LIMS1: variants seen among roughly 807,000 people sequenced by gnomAD.
LIMS1 encodes the protein LIM and senescent cell antigen-like-containing domain protein 1.
A neutral mutation model predicts 44.1 loss-of-function variants in LIMS1; 18 were observed. The ratio of observed to expected loss-of-function variants is 0.41; its 90% CI spans 0.28 to 0.61. The LOEUF (loss-of-function observed/expected upper bound fraction) is 0.61. Ranked by LOEUF, LIMS1 falls within the 20% of genes least tolerant of loss-of-function variation. LIMS1 has a pLI of 0.32. For synonymous variants in LIMS1, 93 were observed against 149.1 expected, an observed-to-expected ratio of 0.62 and a Z score of 2.74; for missense variants, 201 against 422.0, an observed-to-expected ratio of 0.48 and a Z score of 4.59.
intron 1 of LIMS1, among the ~76,000 whole-genome samples, chr2:108,562,765 G>A (rs1309564903): frequency 6.6e-6 from 1 of 152,206 alleles, no homozygotes; most frequent in African/African-American, 2.4e-5. Flanking sequence ...AATGAAGGTG[G>A]CTACACCAAA....
rs10596766 is a variant in LIMS1, at chr2:108,569,764, CT to C, written c.32+35189del. Among the ~76,000 whole-genome samples, 166 of 113,118 alleles carry C rather than the reference CT, an allele frequency of 1.5e-3. 2 individuals are homozygous for C. The highest frequency in any genetic ancestry group is 5.1e-3 in the Middle Eastern group (1 of 196). 74.2% of individuals were successfully genotyped at this position (113,118 alleles called of 152,430 possible). A position where few individuals can be genotyped will look rare whatever the true frequency, so the allele number is the denominator to read the frequency against. Reference sequence around the variant, plus strand: ...TACAAACACTCACCGCCATATCTGGCTTTTTTTTTTTTTTTTTTTAGTGATG... The same window carrying C: ...TACAAACACTCACCGCCATATCTGGCTTTTTTTTTTTTTTTTTTAGTGATG... On this transcript the variant is annotated intron_variant, in intron 1 of 9. Coordinates refer to ENST00000544547, the Ensembl canonical transcript of LIMS1.
rs2104680510 is a variant in LIMS1 at position 108,589,962 on chromosome 2, AT to A, written c.32+55369del. ...AATGTTCCATGTGCACTTGAGAAGA[AT>A]ATGTATTCTGTTGCTGTTGGGTGGA... On this transcript the variant is annotated intron_variant, in intron 1 of 9. Transcript: ENST00000544547. 3.3e-5 allele frequency among the ~76,000 whole-genome samples: 5 copies of A among 152,332 alleles called. 1 individual carries two copies. The highest frequency in any genetic ancestry group is 3.3e-4 in the Admixed American group (5 of 15,306).
In LIMS1 at chr2:108,590,211, A is replaced by AG. The variant is rs1163980619; in HGVS notation, c.32+55619dup. On this transcript the variant is annotated intron_variant, in intron 1 of 9. Transcript: ENST00000544547. The stretch of plus-strand genomic sequence containing the variant: ...AAGAGTGATACCGATTGCATGTGTA[A>AG]GGCAGTCTCTTATATAGATGTATGT... Among the ~76,000 whole-genome samples the AG allele has an allele frequency of 3.9e-5, 6 of 152,364 alleles. No individual in the cohort carries two copies. The East Asian group carries it at 1.2e-3, about 29-fold the overall frequency.
At chr2:108,675,443 CT>C (rs55875937) in intron 5 of LIMS1, among the ~76,000 whole-genome samples, 54,796 of 151,900 alleles carry the variant, frequency 0.36, 11,755 homozygotes, top group East Asian at 0.88. Context: ...GTAATCACCC[CT>C]TAGAGGTCCT....
chr2:108,571,143 A>C (rs1163294279), intron 1 of LIMS1, among the ~76,000 whole-genome samples: 1 of 152,204 alleles, frequency 6.6e-6, no homozygotes, highest in Non-Finnish European at 1.5e-5. Flanking sequence ...AGAAGCTTAG[A>C]GTGCAGTAGA....
At chr2:108,680,555 A>G in intron 8 of LIMS1, 140 bp from the exon 9 acceptor site, 1 of 1,349,996 alleles carries the variant, frequency 7.4e-7, no homozygotes, top group South Asian at 1.6e-5. Flanking sequence ...AAAAAAAAAA[A>G]AAAAAAAAAG....
intron 1 of LIMS1, among the ~76,000 whole-genome samples, chr2:108,598,267 T>TA (rs1477938268): frequency 6.6e-6 from 1 of 152,044 alleles, no homozygotes; most frequent in East Asian, 1.9e-4. Flanking sequence ...CATAGTAAAC[T>TA]AAAAAAATGT....
chr2:108,551,563 C>T (rs1043817824), intron 1 of LIMS1, among the ~76,000 whole-genome samples: 2 of 141,718 alleles, frequency 1.4e-5, no homozygotes, highest in African/African-American at 5.2e-5. Flanking sequence ...AAATCCTGGA[C>T]GTTCAGATTG....
chr2:108,560,701 G>A (rs1380265504), intron 1 of LIMS1, among the ~76,000 whole-genome samples: 1 of 152,002 alleles, frequency 6.6e-6, no homozygotes, highest in Non-Finnish European at 1.5e-5. Flanking sequence ...TTCGATGGAT[G>A]GATGGATGGA....
chr2:108,580,419 GA>G (rs1685841243), intron 1 of LIMS1, among the ~76,000 whole-genome samples: 1 of 152,146 alleles, frequency 6.6e-6, no homozygotes, highest in Non-Finnish European at 1.5e-5. Flanking sequence ...AGGTGGTCAG[GA>G]CAACTAGATC....
At chr2:108,612,592 TAGA>T (rs1687715473) in intron 1 of LIMS1, among the ~76,000 whole-genome samples, 1 of 152,064 alleles carries the variant, frequency 6.6e-6, no homozygotes, top group South Asian at 2.1e-4. Flanking sequence ...TTCAGTTACA[TAGA>T]AGGTCACTTC....
At chr2:108,543,668 C>G (rs574948090) in intron 1 of LIMS1, among the ~76,000 whole-genome samples, 1 of 152,292 alleles carries the variant, frequency 6.6e-6, no homozygotes, top group East Asian at 1.9e-4. Flanking sequence ...CTCCAGCACT[C>G]AGACCTTAGT....
intron 1 of LIMS1, among the ~76,000 whole-genome samples, chr2:108,648,279 A>T (rs1050828489): frequency 2.4e-4 from 36 of 152,222 alleles, no homozygotes; most frequent in Non-Finnish European, 7.3e-5. Flanking sequence ...GACCTCTTCA[A>T]GGAGAACTAC....
intron 2 of LIMS1, 136 bp downstream of exon 2, chr2:108,659,900 G>C (rs1289174073): frequency 1.2e-5 from 14 of 1,145,436 alleles, no homozygotes; most frequent in Middle Eastern, 2.9e-4. Flanking sequence ...CCAGGTATTT[G>C]ATAGCTGTGA....
At chr2:108,547,530 G>T (rs1684521394) in intron 1 of LIMS1, among the ~76,000 whole-genome samples, 1 of 152,186 alleles carries the variant, frequency 6.6e-6, no homozygotes. Flanking sequence ...ACTGTTGGCA[G>T]TTTGACTTAT....
Position 108,672,873 on chromosome 2 carries a change from T to G in LIMS1, c.381-7T>G. 4 of 708,516 alleles carry G rather than the reference T, an allele frequency of 5.6e-6. No homozygotes were observed. Among genetic ancestry groups the G allele is most frequent in the Non-Finnish European group, 8.7e-6 (4 of 461,214 alleles). The allele number at this position is 708,516 out of a possible 1,614,324, so 43.9% of individuals were successfully genotyped here. Reference sequence around the variant, plus strand: ...AAATTTTAAATTTAAGTTTTGACTCTGTTTAGACACCTGTGTCGCCCCTGT... The same window carrying G: ...AAATTTTAAATTTAAGTTTTGACTCGGTTTAGACACCTGTGTCGCCCCTGT... On this transcript the variant is annotated splice_polypyrimidine_tract_variant and splice_region_variant and intron_variant, in intron 4 of 9. Transcript: ENST00000544547.
intron 8 of LIMS1, among the ~76,000 whole-genome samples, chr2:108,678,918 G>T (rs546444557): frequency 6.6e-6 from 1 of 152,146 alleles, no homozygotes; most frequent in Non-Finnish European, 1.5e-5. Flanking sequence ...TGCCACATGT[G>T]CCCAGGCCAA....
chr2:108,617,209 T>C (rs772590856), intron 1 of LIMS1, among the ~76,000 whole-genome samples: 2 of 152,234 alleles, frequency 1.3e-5, no homozygotes, highest in Admixed American at 1.3e-4. Context: ...AATGATCATA[T>C]TTACAGCTTG....
intron 1 of LIMS1, among the ~76,000 whole-genome samples, chr2:108,606,747 C>A (rs1002610008): frequency 1.3e-5 from 2 of 152,168 alleles, no homozygotes; most frequent in Non-Finnish European, 2.9e-5. Flanking sequence ...CCTGGGGGAG[C>A]TCTGGAAGGC....
Sources: gnomAD v4.1 joint callset for allele counts (sites outside exome capture counted in the v4.1 genomes callset) on GRCh38, gnomAD v4.1.1 for gene constraint, MANE v1.5 for transcripts, NCBI Gene and HGNC (gene_info 2026-07-23, HGNC 2026-07-21) for gene names.